CATSPER2: variants seen among roughly 807,000 people sequenced by gnomAD.
CATSPER2 encodes the protein cation channel sperm associated 2, also known as cation channel sperm-associated protein 2.
CATSPER2 carries 56 observed loss-of-function variants against 68.8 expected under a neutral mutation model. The observed-to-expected ratio is 0.81, with a 90% CI of 0.66 to 1.02. The LOEUF is 1.02. CATSPER2 is among the 50% of genes least tolerant of loss of function. CATSPER2 has a pLI of 0.00. For synonymous variants in CATSPER2, 198 were observed against 229.9 expected, an observed-to-expected ratio of 0.86 and a Z score of 1.26; for missense variants, 582 against 642.0, an observed-to-expected ratio of 0.91 and a Z score of 1.01.
intron 4 of CATSPER2, 65 bp from the exon 5 acceptor site, chr15:43,640,561 A>C: frequency 6.2e-7 from 1 of 1,608,204 alleles, no homozygotes; most frequent in Non-Finnish European, 8.5e-7. Context: ...ATGGAGAATG[A>C]ACACACTTAT....
chr15:43,633,119 T>A (rs1240521550), intron 10 of CATSPER2, 185 bp from the exon 11 acceptor site: 2 of 941,048 alleles, frequency 2.1e-6, no homozygotes, highest in Non-Finnish European at 3.1e-6. Context: ...TTAACTCTTC[T>A]CTCCCCTCCC....
rs574267160 is a variant in CATSPER2, at chr15:43,630,442, A to C, written c.*259T>G. Reference sequence around the variant, plus strand: ...CAATCTTGGCTCACTGCAACCTCTGACTCCCAGGTTCAAGTGATTCTCCTG... The same window carrying C: ...CAATCTTGGCTCACTGCAACCTCTGCCTCCCAGGTTCAAGTGATTCTCCTG... On this transcript the variant is annotated 3_prime_UTR_variant, in exon 13 of 13. Transcript: ENST00000396879. The C allele has an allele frequency of 9.8e-5, 58 of 593,320 alleles. 1 individual carries two copies. In the South Asian group the frequency reaches 9.9e-4, roughly 10 times the overall value. The allele number at this position is 593,320 out of a possible 1,614,324, so 36.8% of individuals were successfully genotyped here. A position where few individuals can be genotyped will look rare whatever the true frequency, so the allele number is the denominator to read the frequency against.
rs1028151183 is a variant in CATSPER2, at chr15:43,648,654, T to G, written c.-28A>C. 412 of 1,408,864 alleles carry G rather than the reference T, an allele frequency of 2.9e-4. 6 individuals carry two copies. The highest frequency in any genetic ancestry group is 3.5e-4 in the Non-Finnish European group (378 of 1,085,254). The allele number at this position is 1,408,864 out of a possible 1,614,324, so 87.3% of individuals were successfully genotyped here. A position where few individuals can be genotyped will look rare whatever the true frequency, so the allele number is the denominator to read the frequency against. On this transcript the variant is annotated 5_prime_UTR_variant, in exon 1 of 13. Coordinates refer to ENST00000396879, the MANE Select transcript of CATSPER2 (RefSeq NM_172095.4). ...CTCAGCCCAGGTTCTCTTTGCCCAC[T>G]CAGTCCTTATTTCACGCTTCCGCCT...
chr15:43,635,729 C>T lies in CATSPER2; in HGVS notation c.1119G>A (p.Gln373=). ...GGGTTGAAAAGGGAGAAGCAGACCT[C>T]TGGATGATCTGCCGCTTGAACATGT... is the stretch of plus-strand genomic sequence containing the variant. The part of the protein sequence containing the change: ...KADMFKRQII[Q]RRKNMSHEAL... The change falls in exon 9 of 13, where the codon CAG becomes CAA. Residue 373 remains glutamine (Q), a splice_region_variant and synonymous_variant. Coordinates refer to ENST00000396879, the MANE Select transcript of CATSPER2 (RefSeq NM_172095.4). The T allele has an allele frequency of 6.2e-6, 10 of 1,612,164 alleles. No homozygotes were observed. The highest frequency in any genetic ancestry group is 8.5e-6 in the Non-Finnish European group (10 of 1,178,666).
At chr15:43,635,863 A>G (rs1172943872) in intron 8 of CATSPER2, 37 bp from the exon 9 acceptor site, 3 of 1,587,014 alleles carry the variant, frequency 1.9e-6, no homozygotes, top group Non-Finnish European at 2.6e-6. Flanking sequence ...GGAGATGGTA[A>G]TGACTAGACT....
chr15:43,648,793 C>T lies in CATSPER2; in HGVS notation c.-167G>A. ...GCTCGACCCCCAGGTTTCGGCTCAC[C>T]CCGGGACCCGGCCCTAGCCCCTACC... On this transcript the variant is annotated 5_prime_UTR_variant, in exon 1 of 13. Transcript: ENST00000396879. The T allele has an allele frequency of 6.5e-7, 1 of 1,531,544 alleles. No individual in the cohort carries two copies. Among genetic ancestry groups the T allele is most frequent in the Non-Finnish European group, 8.8e-7 (1 of 1,142,824 alleles). The allele number at this position is 1,531,544 out of a possible 1,614,324, so 94.9% of individuals were successfully genotyped here.
chr15:43,647,804 T>C, intron 2 of CATSPER2, 113 bp downstream of exon 2: 3 of 1,207,688 alleles, frequency 2.5e-6, no homozygotes, highest in South Asian at 2.5e-5. Flanking sequence ...AGCCCTTGAT[T>C]TATCAAGTTT....
intron 10 of CATSPER2, chr15:43,633,322 G>A (rs977274173): frequency 1.2e-4 from 34 of 286,854 alleles, no homozygotes; most frequent in African/African-American, 4.4e-4. Flanking sequence ...CTTCTTAAAC[G>A]TAAGTCACTT....
rs56230106 is a variant in CATSPER2, at chr15:43,646,718, C to CTT, written c.388+330_388+331dup. Among the ~76,000 whole-genome samples the CTT allele has an allele frequency of 3.2e-3, 447 of 138,646 alleles. 7 individuals carry two copies. Among genetic ancestry groups the CTT allele is most frequent in the African/African-American group, 8.2e-3 (305 of 37,300 alleles). The allele number at this position is 138,646 out of a possible 152,430, so 91.0% of individuals were successfully genotyped here. A position where few individuals can be genotyped will look rare whatever the true frequency, so the allele number is the denominator to read the frequency against. ...CTACCCACTTCCTCTTTTTCTTTTT[C>CTT]TTTTTTTTTTTTTTGAGACAGAGTT... On this transcript the variant is annotated intron_variant, in intron 4 of 12. Transcript: ENST00000396879.
At chr15:43,647,501 A>G in intron 2 of CATSPER2, 34 bp from the exon 3 acceptor site, 1 of 1,601,576 alleles carries the variant, frequency 6.2e-7, no homozygotes. Context: ...TAGTGGATAA[A>G]TACAAACAAA....
chr15:43,636,754 T>C (rs2085972053), intron 7 of CATSPER2, among the ~76,000 whole-genome samples: 2 of 151,830 alleles, frequency 1.3e-5, no homozygotes, highest in Admixed American at 6.6e-5. Flanking sequence ...TTCTTGGGTA[T>C]AATAAATAAT....
intron 5 of CATSPER2, 156 bp downstream of exon 5, chr15:43,640,168 T>G (rs2086047170): frequency 6.5e-7 from 1 of 1,541,770 alleles, no homozygotes; most frequent in Non-Finnish European, 8.7e-7. Flanking sequence ...CAACAACTCC[T>G]GCAATGATTG....
chr15:43,630,247 G>A lies in CATSPER2; in HGVS notation c.*454C>T, dbSNP rs1374351128. 4.6e-6 allele frequency: 1 copy of A among 216,012 alleles called. No homozygotes were observed. Among genetic ancestry groups the A allele is most frequent in the Non-Finnish European group, 9.4e-6 (1 of 106,516 alleles). The allele number at this position is 216,012 out of a possible 1,614,324, so 13.4% of individuals were successfully genotyped here. On this transcript the variant is annotated 3_prime_UTR_variant, in exon 13 of 13. Coordinates refer to ENST00000396879, the MANE Select transcript of CATSPER2 (RefSeq NM_172095.4). The stretch of plus-strand genomic sequence containing the variant: ...AACAATCCTGCCTCAGCCCATAGCT[G>A]GGACTAGAGGCACACATCACCACAC...
chr15:43,648,529 C>G (rs2086215937), intron 1 of CATSPER2, 100 bp downstream of exon 1: 1 of 1,185,098 alleles, frequency 8.4e-7, no homozygotes, highest in African/African-American at 1.6e-5. Flanking sequence ...AATGCCAAAG[C>G]CTGACATTTT....
chr15:43,639,052 A>G (rs777466043), intron 6 of CATSPER2, 24 bp from the exon 7 acceptor site: 2 of 1,610,280 alleles, frequency 1.2e-6, no homozygotes, highest in Non-Finnish European at 1.7e-6. Context: ...CTCTCATGTC[A>G]GATGTGGGCC....
At position 43,638,429 on chromosome 15, in the gene CATSPER2, C is replaced by T. The variant is rs142530881; in HGVS notation, c.842+475G>A. ...TCAGACTCCCGAGTAGCTGGGACTA[C>T]AGGCGCCTGCCACCACGGCTGGCTA... On this transcript the variant is annotated intron_variant, in intron 7 of 12. Transcript: ENST00000396879. Among the ~76,000 whole-genome samples the T allele has an allele frequency of 9.1e-3, 1,377 of 151,076 alleles. 31 individuals are homozygous for T. The highest frequency in any genetic ancestry group is 0.032 in the African/African-American group (1,301 of 41,022).
intron 7 of CATSPER2, among the ~76,000 whole-genome samples, chr15:43,638,025 G>A (rs1420931882): frequency 1.3e-5 from 2 of 150,588 alleles, no homozygotes; most frequent in Admixed American, 1.3e-4. Flanking sequence ...CTCAATCTCA[G>A]CTCACTGCAA....
chr15:43,636,879 G>A (rs2085974501), intron 7 of CATSPER2, among the ~76,000 whole-genome samples: 1 of 149,824 alleles, frequency 6.7e-6, no homozygotes, highest in South Asian at 2.1e-4. Flanking sequence ...CCACGCTGGA[G>A]TTGCGTGATC....
At position 43,647,009 on chromosome 15, in the gene CATSPER2, G is replaced by T. The variant is rs749177972; in HGVS notation, c.388+41C>A. On this transcript the variant is annotated intron_variant, in intron 4 of 12. Coordinates refer to ENST00000396879, the MANE Select transcript of CATSPER2 (RefSeq NM_172095.4). ...TAGGATTACACGTGTGAGCCGGCGT[G>T]CCCGGCCTCACTTCCTCTTTCATAC... The T allele has an allele frequency of 5.8e-6, 9 of 1,538,462 alleles. No homozygotes were observed. In the South Asian group the frequency reaches 1.0e-4, roughly 17 times the overall value.
Sources: allele counts gnomAD v4.1 joint callset (sites outside exome capture counted in the v4.1 genomes callset), GRCh38; gene constraint gnomAD v4.1.1; transcripts MANE v1.5; gene names NCBI Gene and HGNC (gene_info 2026-07-23, HGNC 2026-07-21).